Variants in ZBTB7C observed in about 807,000 individuals in gnomAD.
ZBTB7C encodes zinc finger and BTB domain-containing protein 7C.
Under a neutral mutation model 25.7 loss-of-function variants are expected in ZBTB7C, and 8 were observed. The observed-to-expected ratio is 0.31, with a 90% confidence interval of 0.18 to 0.56. The LOEUF is 0.56. Ranked by LOEUF, ZBTB7C falls within the 20% of genes least tolerant of loss-of-function variation. The probability of loss-of-function intolerance (pLI) is 0.91; values close to 1 mark genes in which losing one functional copy is unlikely to be tolerated. For missense variants in ZBTB7C, 824 were observed against 855.2 expected, an observed-to-expected ratio of 0.96 and a Z score of 0.46; for synonymous variants, 394 against 369.0, an observed-to-expected ratio of 1.07 and a Z score of -0.78.
chr18:48,225,716 T>A (rs2145318855), intron 2 of ZBTB7C, among the ~76,000 whole-genome samples: 1 of 152,242 alleles, frequency 6.6e-6, no homozygotes, highest in African/African-American at 2.4e-5. Context: ...CTCTCCCTCT[T>A]AGAATGTCAC....
At chr18:48,166,417 T>C (rs563094503) in intron 3 of ZBTB7C, among the ~76,000 whole-genome samples, 2 of 152,316 alleles carry the variant, frequency 1.3e-5, no homozygotes, top group East Asian at 3.9e-4. Flanking sequence ...GCCCTTTGTG[T>C]CTGCAGAGTT....
chr18:48,075,087 G>A (rs376344892), intron 3 of ZBTB7C, among the ~76,000 whole-genome samples: 60 of 152,294 alleles, frequency 3.9e-4, no homozygotes, highest in African/African-American at 9.9e-4. Context: ...GAAAAGAGGC[G>A]TTTGGCAATT....
At chr18:48,395,389 G>C (rs1599034866) in intron 1 of ZBTB7C, among the ~76,000 whole-genome samples, 2 of 146,148 alleles carry the variant, frequency 1.4e-5, no homozygotes, top group African/African-American at 5.1e-5. Context: ...GTGTGTGTGT[G>C]TGTGTGTGTG....
At chr18:48,408,134 C>G (rs774304859) in intron 1 of ZBTB7C, among the ~76,000 whole-genome samples, 1 of 152,230 alleles carries the variant, frequency 6.6e-6, no homozygotes, top group African/African-American at 2.4e-5. Context: ...AGGCAGCGCA[C>G]GCCACCCACC....
At chr18:48,125,999 G>A (rs1167657623) in intron 3 of ZBTB7C, among the ~76,000 whole-genome samples, 4 of 152,208 alleles carry the variant, frequency 2.6e-5, no homozygotes, top group African/African-American at 7.2e-5. Context: ...ACTGCGCACC[G>A]TGCAGTCAGG....
intron 2 of ZBTB7C, among the ~76,000 whole-genome samples, chr18:48,333,313 A>G (rs2046383251): frequency 6.6e-6 from 1 of 152,238 alleles, no homozygotes. Flanking sequence ...CTAATTTTAA[A>G]GAAACAGAAT....
chr18:48,045,252 C>T (rs976255476), intron 3 of ZBTB7C, among the ~76,000 whole-genome samples: 24 of 152,238 alleles, frequency 1.6e-4, no homozygotes, highest in African/African-American at 5.8e-4. Flanking sequence ...ACCACCCCAG[C>T]CCCAGGCTAC....
chr18:48,219,828 T>C (rs2042908365), intron 2 of ZBTB7C, among the ~76,000 whole-genome samples: 1 of 152,056 alleles, frequency 6.6e-6, no homozygotes, highest in Non-Finnish European at 1.5e-5. Flanking sequence ...GGGTAACTGG[T>C]GTCAGAGCAG....
chr18:48,285,978 C>G (rs1417502306), intron 2 of ZBTB7C, among the ~76,000 whole-genome samples: 1 of 152,240 alleles, frequency 6.6e-6, no homozygotes, highest in Non-Finnish European at 1.5e-5. Context: ...CCATTGGCTT[C>G]CCAAACACAG....
At chr18:48,075,366 G>A (rs1017945612) in intron 3 of ZBTB7C, among the ~76,000 whole-genome samples, 2 of 152,146 alleles carry the variant, frequency 1.3e-5, no homozygotes, top group African/African-American at 2.4e-5. Flanking sequence ...CTGGTGATGC[G>A]ACAAAGGGCT....
intron 2 of ZBTB7C, among the ~76,000 whole-genome samples, chr18:48,314,259 C>T (rs193259413): frequency 1.3e-5 from 2 of 152,240 alleles, no homozygotes; most frequent in East Asian, 3.9e-4. Flanking sequence ...GTGCAATATG[C>T]GGGATTACTG....
chr18:48,041,484 C>T, intron 3 of ZBTB7C: 2 of 985,422 alleles, frequency 2.0e-6, no homozygotes, highest in Non-Finnish European at 2.4e-6. Flanking sequence ...CTAGCTGTTG[C>T]CTTGGCTGCA....
At chr18:48,403,761 G>A (rs1191266243) in intron 1 of ZBTB7C, among the ~76,000 whole-genome samples, 2 of 152,018 alleles carry the variant, frequency 1.3e-5, no homozygotes, top group Non-Finnish European at 2.9e-5. Context: ...CAAAATCTCA[G>A]TAAGCACCAC....
intron 3 of ZBTB7C, among the ~76,000 whole-genome samples, chr18:48,169,187 AT>A (rs1568274099): frequency 6.6e-6 from 1 of 152,188 alleles, no homozygotes; most frequent in African/African-American, 2.4e-5. Flanking sequence ...CTCCTACTGC[AT>A]GCTCCTGCAC....
chr18:48,174,797 G>A (rs1171305009), intron 3 of ZBTB7C, among the ~76,000 whole-genome samples: 4 of 152,176 alleles, frequency 2.6e-5, no homozygotes, highest in Non-Finnish European at 4.4e-5. Context: ...ATCTAAATCT[G>A]TATTTACCTA....
intron 2 of ZBTB7C, among the ~76,000 whole-genome samples, chr18:48,260,858 A>T (rs141411475): frequency 5.4e-4 from 83 of 152,342 alleles, no homozygotes; most frequent in African/African-American, 1.9e-3. Flanking sequence ...TACTCTGAGC[A>T]TCTTGCCTTC....
intron 2 of ZBTB7C, among the ~76,000 whole-genome samples, chr18:48,314,708 G>A (rs933619225): frequency 6.6e-5 from 10 of 152,114 alleles, no homozygotes; most frequent in African/African-American, 9.7e-5. Context: ...AGCTTCCTTG[G>A]AGACCAGGGA....
At chr18:48,298,817 CA>C (rs766667335) in intron 2 of ZBTB7C, among the ~76,000 whole-genome samples, 2 of 152,198 alleles carry the variant, frequency 1.3e-5, no homozygotes, top group Non-Finnish European at 2.9e-5. Context: ...TCTGCAGATC[CA>C]TCCTGGAGCA....
intron 2 of ZBTB7C, among the ~76,000 whole-genome samples, chr18:48,292,120 C>G (rs1047888921): frequency 9.2e-5 from 14 of 151,978 alleles, no homozygotes; most frequent in African/African-American, 3.4e-4. Flanking sequence ...ATCACTTGAA[C>G]CTGGGAGGCG....
Sources: allele counts gnomAD v4.1 joint callset (sites outside exome capture counted in the v4.1 genomes callset), GRCh38; gene constraint gnomAD v4.1.1; transcripts MANE v1.5; gene names NCBI Gene and HGNC (gene_info 2026-07-23, HGNC 2026-07-21).